Variants in XKR6 observed in about 807,000 individuals in gnomAD.
The protein encoded by XKR6 is XK-related protein 6.
Under a neutral mutation model 56.7 loss-of-function variants are expected in XKR6, and 22 were observed. The ratio of observed to expected loss-of-function variants is 0.39; its 90% CI spans 0.28 to 0.55. The LOEUF (loss-of-function observed/expected upper bound fraction) is 0.55, where lower values mean the gene tolerates loss of function less well. XKR6 is among the 20% of genes least tolerant of loss of function. The pLI is 0.66. For synonymous variants in XKR6, 524 were observed against 387.8 expected, an observed-to-expected ratio of 1.35 and a Z score of -4.13; for missense variants, 852 against 889.0, an observed-to-expected ratio of 0.96 and a Z score of 0.53.
intron 1 of XKR6, among the ~76,000 whole-genome samples, chr8:11,165,076 C>A (rs1209945827): frequency 6.6e-6 from 1 of 150,384 alleles, no homozygotes; most frequent in Non-Finnish European, 1.5e-5. Context: ...CACAACCATT[C>A]CCTAGGCTAT....
Position 11,110,839 on chromosome 8 carries a change from T to G in XKR6, c.764+89737A>C, listed in dbSNP as rs1321945171. On this transcript the variant is annotated intron_variant, in intron 1 of 2. Transcript: ENST00000416569. ...TCAGGTACATGGAATACACTCAACT[T>G]TCCTTTTTTTTTTTTGAGGCGGAGT... 2.6e-5 allele frequency among the ~76,000 whole-genome samples: 4 copies of G among 151,824 alleles called. No individual in the cohort carries two copies. In the East Asian group the frequency reaches 7.7e-4, roughly 29 times the overall value.
At chr8:11,024,849 G>A (rs1216792105) in intron 1 of XKR6, among the ~76,000 whole-genome samples, 1 of 152,194 alleles carries the variant, frequency 6.6e-6, no homozygotes, top group Non-Finnish European at 1.5e-5. Context: ...TCCAGAAGTG[G>A]ACCATCCATC....
At chr8:11,177,015 T>G (rs944489489) in intron 1 of XKR6, among the ~76,000 whole-genome samples, 4 of 152,134 alleles carry the variant, frequency 2.6e-5, no homozygotes, top group African/African-American at 9.7e-5. Context: ...ATCCAAACCT[T>G]GTGCTAGGGA....
intron 1 of XKR6, among the ~76,000 whole-genome samples, chr8:11,049,488 G>A (rs1799491682): frequency 6.6e-6 from 1 of 152,142 alleles, no homozygotes; most frequent in African/African-American, 2.4e-5. Context: ...CTCCTCCAGG[G>A]GTGGCTGTAC....
intron 1 of XKR6, among the ~76,000 whole-genome samples, chr8:11,091,593 G>C (rs774455546): frequency 6.6e-6 from 1 of 152,204 alleles, no homozygotes; most frequent in Admixed American, 6.5e-5. Flanking sequence ...TACCATTAAA[G>C]ATGCAGGAAT....
At chr8:11,186,407 A>T (rs1221793234) in intron 1 of XKR6, among the ~76,000 whole-genome samples, 1 of 152,052 alleles carries the variant, frequency 6.6e-6, no homozygotes. Context: ...ACAGAGAGAG[A>T]GTCTTGCTCC....
At chr8:11,051,494 C>T (rs1465995285) in intron 1 of XKR6, among the ~76,000 whole-genome samples, 10 of 152,176 alleles carry the variant, frequency 6.6e-5, no homozygotes, top group South Asian at 4.1e-4. Context: ...GTTCTTCCTT[C>T]GGGCTTCCCC....
chr8:11,112,041 GTTTT>G (rs1405123669), intron 1 of XKR6: 4 of 152,064 alleles, frequency 2.6e-5, no homozygotes, highest in African/African-American at 7.2e-5. Flanking sequence ...TAACATTAAA[GTTTT>G]ATTTAAAAAC....
intron 1 of XKR6, among the ~76,000 whole-genome samples, chr8:10,949,162 C>T (rs1184739080): frequency 3.9e-5 from 6 of 152,316 alleles, no homozygotes; most frequent in Non-Finnish European, 8.8e-5. Flanking sequence ...CTGCAGGGGC[C>T]GGCTCTAGGG....
chr8:11,199,486 C>T (rs1368862925), intron 1 of XKR6, among the ~76,000 whole-genome samples: 1 of 152,236 alleles, frequency 6.6e-6, no homozygotes, highest in Non-Finnish European at 1.5e-5. Flanking sequence ...GGCAAAATGT[C>T]TTCTCACAGA....
intron 1 of XKR6, among the ~76,000 whole-genome samples, chr8:11,064,915 A>C (rs1271751996): frequency 6.6e-6 from 1 of 152,164 alleles, no homozygotes; most frequent in Non-Finnish European, 1.5e-5. Context: ...AGTGACAAAA[A>C]CCTCAATGGT....
At chr8:10,946,734 T>C (rs1467917460) in intron 1 of XKR6, among the ~76,000 whole-genome samples, 2 of 152,110 alleles carry the variant, frequency 1.3e-5, no homozygotes, top group East Asian at 3.9e-4. Flanking sequence ...GGACCCAGCA[T>C]GGTCCCTGCC....
intron 1 of XKR6, chr8:11,109,628 C>A (rs1207408918): frequency 6.6e-6 from 1 of 152,202 alleles, no homozygotes; most frequent in Non-Finnish European, 1.5e-5. Context: ...TATCCCCCAA[C>A]CCTACCACCA....
intron 1 of XKR6, among the ~76,000 whole-genome samples, chr8:10,976,505 G>C (rs1802565148): frequency 1.3e-5 from 2 of 152,156 alleles, no homozygotes; most frequent in Admixed American, 6.5e-5. Flanking sequence ...GCGCCCCCCG[G>C]GTGGTGTTAG....
At chr8:11,044,802 T>C (rs1799367471) in intron 1 of XKR6, among the ~76,000 whole-genome samples, 1 of 152,066 alleles carries the variant, frequency 6.6e-6, no homozygotes, top group Non-Finnish European at 1.5e-5. Context: ...GTATTTTTAG[T>C]AGAGACGGGG....
intron 1 of XKR6, among the ~76,000 whole-genome samples, chr8:11,084,184 C>T (rs1797812035): frequency 2.0e-5 from 3 of 152,202 alleles, no homozygotes; most frequent in African/African-American, 7.2e-5. Context: ...TTGGTTTATC[C>T]ACAAACAGTG....
intron 1 of XKR6, among the ~76,000 whole-genome samples, chr8:10,995,177 G>A (rs923928578): frequency 2.6e-5 from 4 of 151,958 alleles, no homozygotes; most frequent in African/African-American, 4.8e-5. Flanking sequence ...AGTGTATGCC[G>A]GTAAGAGGCA....
chr8:11,099,005 G>C (rs1798365991), intron 1 of XKR6, among the ~76,000 whole-genome samples: 1 of 152,188 alleles, frequency 6.6e-6, no homozygotes, highest in Admixed American at 6.5e-5. Flanking sequence ...TAGTCTAGGA[G>C]AATAATGAGC....
At chr8:11,094,182 T>C (rs1416152648) in intron 1 of XKR6, among the ~76,000 whole-genome samples, 13 of 151,634 alleles carry the variant, frequency 8.6e-5, no homozygotes, top group Admixed American at 8.5e-4. Context: ...TTAAAAAGAC[T>C]TTCCATAAGC....
Sources: allele counts gnomAD v4.1 joint callset (sites outside exome capture counted in the v4.1 genomes callset), GRCh38; gene constraint gnomAD v4.1.1; transcripts MANE v1.5; gene names NCBI Gene and HGNC (gene_info 2026-07-23, HGNC 2026-07-21).